The following AMOTL1 variants were observed in gnomAD, a reference collection of about 807,000 sequenced individuals.
AMOTL1 encodes the protein angiomotin like 1.
AMOTL1 carries 45 observed loss-of-function variants against 102.9 expected under a neutral mutation model. The observed-to-expected ratio is 0.44, with a 90% CI of 0.34 to 0.56. AMOTL1 has a LOEUF of 0.56. AMOTL1 is among the 20% of genes least tolerant of loss of function. The pLI is 0.01. For synonymous variants in AMOTL1, 481 were observed against 484.7 expected, an observed-to-expected ratio of 0.99 and a Z score of 0.10; for missense variants, 1,114 against 1,225.6, an observed-to-expected ratio of 0.91 and a Z score of 1.36.
At chr11:94,789,941 C>T (rs184476433) in intron 1 of AMOTL1, among the ~76,000 whole-genome samples, 10 of 152,238 alleles carry the variant, frequency 6.6e-5, no homozygotes, top group East Asian at 5.8e-4. Flanking sequence ...AAGCTTTGCC[C>T]GTTGGTGACA....
At chr11:94,839,140 T>G (rs1178387185) in intron 6 of AMOTL1, among the ~76,000 whole-genome samples, 3 of 152,236 alleles carry the variant, frequency 2.0e-5, no homozygotes, top group Non-Finnish European at 2.9e-5. Flanking sequence ...TGTCAGTGTC[T>G]TTGGAGGCTG....
rs775772235 is a variant in AMOTL1 at position 94,800,219 on chromosome 11, C to G, written c.1029C>G (p.His343Gln). ...GTGACCAGCACCCCGGGATGCTCCA[C>G]GAGATGGTCAAGCCCTACCCTGCTC... ...FYGDQHPGML[H>Q]EMVKPYPAPQ... The change falls in exon 3 of 13, where the codon CAC becomes CAG. Residue 343 changes from histidine (H) to glutamine (Q), a missense_variant. By Grantham distance (24) the His-to-Gln change is conservative. Transcript: ENST00000433060. The G allele has an allele frequency of 1.2e-6, 2 of 1,614,004 alleles. No individual in the cohort carries two copies. Among genetic ancestry groups the G allele is most frequent in the Non-Finnish European group, 1.7e-6 (2 of 1,179,886 alleles).
chr11:94,769,632 T>C (rs1376989780), intron 1 of AMOTL1, among the ~76,000 whole-genome samples: 1 of 152,180 alleles, frequency 6.6e-6, no homozygotes, highest in Non-Finnish European at 1.5e-5. Context: ...TGGTTTCCTG[T>C]CTCCGCGTGG....
At chr11:94,840,015 G>A (rs1280254170) in intron 6 of AMOTL1, among the ~76,000 whole-genome samples, 2 of 152,102 alleles carry the variant, frequency 1.3e-5, no homozygotes, top group Non-Finnish European at 2.9e-5. Context: ...GGCCTTGTTG[G>A]ATAATCCAGT....
chr11:94,784,254 A>G (rs1164472883), intron 1 of AMOTL1, among the ~76,000 whole-genome samples: 1 of 152,162 alleles, frequency 6.6e-6, no homozygotes, highest in African/African-American at 2.4e-5. Flanking sequence ...TAACAACTTT[A>G]TGAGGATTAT....
At chr11:94,775,169 T>C (rs1951008433) in intron 1 of AMOTL1, among the ~76,000 whole-genome samples, 2 of 152,250 alleles carry the variant, frequency 1.3e-5, no homozygotes, top group Non-Finnish European at 2.9e-5. Flanking sequence ...AATTATTTTC[T>C]GCATCATCAG....
chr11:94,831,645 T>G lies in AMOTL1; in HGVS notation c.1648+104T>G, dbSNP rs1952074476. ...AAGTGGGTTTTGTGCTGTTTGCTTTTTGTTTGTTAATTTAGCATACAACCT... is the reference window on the plus strand; with the variant it reads ...AAGTGGGTTTTGTGCTGTTTGCTTTGTGTTTGTTAATTTAGCATACAACCT... On this transcript the variant is annotated intron_variant, in intron 6 of 12. Coordinates refer to ENST00000433060, the MANE Select transcript of AMOTL1 (RefSeq NM_130847.3). The G allele has an allele frequency of 4.8e-6, 5 of 1,037,880 alleles. No individual in the cohort carries two copies. The Admixed American group carries it at 1.1e-4, about 23-fold the overall frequency. The allele number at this position is 1,037,880 out of a possible 1,614,324, so 64.3% of individuals were successfully genotyped here.
At chr11:94,856,033 G>A (rs967768613) in intron 8 of AMOTL1, among the ~76,000 whole-genome samples, 1 of 152,160 alleles carries the variant, frequency 6.6e-6, no homozygotes, top group African/African-American at 2.4e-5. Context: ...GTGATGCTCA[G>A]CATCTCTTTA....
Position 94,807,740 on chromosome 11 carries a change from A to G in AMOTL1, c.1121+7429A>G, listed in dbSNP as rs371419872. ...ATGGCTACAAGTTATGGAAGGTTGC[A>G]TATGTCACTGTTACTGATTAGAAGC... On this transcript the variant is annotated intron_variant, in intron 3 of 12. Transcript: ENST00000433060. 1.8e-3 allele frequency among the ~76,000 whole-genome samples: 277 copies of G among 152,078 alleles called. 5 individuals carry two copies. In the South Asian group the frequency reaches 0.034, roughly 19 times the overall value.
At position 94,719,255 on chromosome 11, in the gene AMOTL1, A is replaced by G. The variant is rs147460811; in HGVS notation, c.-50-9666A>G. On this transcript the variant is annotated intron_variant, in intron 1 of 4. Coordinates refer to the AMOTL1 transcript ENST00000299004. Reference sequence around the variant, plus strand: ...TCCAGTAATAAGATCACACTGTTTTAATTACTTTAGTTTTACTTTTGTTTT... The same window carrying G: ...TCCAGTAATAAGATCACACTGTTTTGATTACTTTAGTTTTACTTTTGTTTT... 2.1e-3 allele frequency among the ~76,000 whole-genome samples: 317 copies of G among 152,148 alleles called. 2 individuals are homozygous for G. Among genetic ancestry groups the G allele is most frequent in the African/African-American group, 7.3e-3 (302 of 41,552 alleles).
At chr11:94,867,731 C>T (rs114280670) in intron 11 of AMOTL1, among the ~76,000 whole-genome samples, 2,024 of 152,280 alleles carry the variant, frequency 0.013, 44 homozygotes, top group African/African-American at 0.046. Context: ...TTCCCAATTG[C>T]CCAGGGTATC....
intron 1 of AMOTL1, among the ~76,000 whole-genome samples, chr11:94,775,004 G>A (rs1951005043): frequency 6.6e-6 from 1 of 152,062 alleles, no homozygotes; most frequent in Non-Finnish European, 1.5e-5. Context: ...CTGGGTATAT[G>A]GCTACCATAT....
chr11:94,869,724 T>G (rs1320173622), intron 12 of AMOTL1, among the ~76,000 whole-genome samples: 4 of 152,236 alleles, frequency 2.6e-5, no homozygotes, highest in African/African-American at 9.6e-5. Context: ...GCATACTTTT[T>G]AACTAACCTT....
chr11:94,868,769 A>G (rs1474155064), intron 11 of AMOTL1, among the ~76,000 whole-genome samples: 2 of 152,168 alleles, frequency 1.3e-5, no homozygotes, highest in Non-Finnish European at 1.5e-5. Context: ...CTTCTGGGCC[A>G]CGTTGGTAAC....
chr11:94,794,691 T>C (rs186092971), intron 1 of AMOTL1, among the ~76,000 whole-genome samples: 1 of 152,340 alleles, frequency 6.6e-6, no homozygotes, highest in African/African-American at 2.4e-5. Context: ...TTGTGACACA[T>C]TCAGTCCCGC....
At chr11:94,833,182 A>G (rs1774531322) in intron 6 of AMOTL1, among the ~76,000 whole-genome samples, 1 of 152,250 alleles carries the variant, frequency 6.6e-6, no homozygotes, top group Admixed American at 6.5e-5. Flanking sequence ...AAAGGATCTC[A>G]GTGTCGATAT....
At chr11:94,780,273 T>C (rs1951091011) in intron 1 of AMOTL1, among the ~76,000 whole-genome samples, 1 of 152,340 alleles carries the variant, frequency 6.6e-6, no homozygotes, top group South Asian at 2.1e-4. Context: ...TAGTTTCTGA[T>C]ACCTTCTCCA....
chr11:94,795,476 T>C (rs543550010), intron 2 of AMOTL1, among the ~76,000 whole-genome samples: 2 of 152,332 alleles, frequency 1.3e-5, no homozygotes, highest in Non-Finnish European at 1.5e-5. Flanking sequence ...TCTCAGAATC[T>C]CATTTCTTTT....
At chr11:94,860,943 C>T (rs1321374536) in intron 9 of AMOTL1, among the ~76,000 whole-genome samples, 1 of 152,074 alleles carries the variant, frequency 6.6e-6, no homozygotes, top group East Asian at 1.9e-4. Context: ...AGGGGAGAAT[C>T]CCCAGTGGTA....
Sources: gnomAD v4.1 joint callset for allele counts (sites outside exome capture counted in the v4.1 genomes callset) on GRCh38, gnomAD v4.1.1 for gene constraint, MANE v1.5 for transcripts, NCBI Gene and HGNC (gene_info 2026-07-23, HGNC 2026-07-21) for gene names.